Variants in NEGR1 observed in about 807,000 individuals in gnomAD.
NEGR1 encodes IgLON family member 4.
NEGR1 carries 10 observed loss-of-function variants against 40.9 expected under a neutral mutation model. The observed-to-expected ratio is 0.24, with a 90% confidence interval of 0.15 to 0.42. The LOEUF (loss-of-function observed/expected upper bound fraction) is 0.42. NEGR1 is among the 10% of genes least tolerant of loss of function. The pLI, the probability that NEGR1 is intolerant of heterozygous loss-of-function variation, is 1.00. For missense variants in NEGR1, 352 were observed against 438.9 expected (o/e 0.80, Z 1.77); for synonymous variants, 185 against 166.8 (o/e 1.11, Z -0.84).
At chr1:71,696,742 A>G (rs1653486434) in intron 4 of NEGR1, among the ~76,000 whole-genome samples, 1 of 151,820 alleles carries the variant, frequency 6.6e-6, no homozygotes. Context: ...ACCTCTTAAA[A>G]TTCAGGTTTC....
chr1:72,258,966 G>A (rs1446083685), intron 1 of NEGR1, among the ~76,000 whole-genome samples: 1 of 151,948 alleles, frequency 6.6e-6, no homozygotes, highest in Admixed American at 6.6e-5. Context: ...AGAACAGGAA[G>A]AAAAAAGTAT....
At chr1:71,894,575 A>G (rs1412979177) in intron 2 of NEGR1, among the ~76,000 whole-genome samples, 1 of 152,226 alleles carries the variant, frequency 6.6e-6, no homozygotes, top group East Asian at 1.9e-4. Flanking sequence ...TTAAGTAACT[A>G]TTAAAATACT....
chr1:71,455,153 G>A (rs185838475), intron 6 of NEGR1, among the ~76,000 whole-genome samples: 30 of 152,248 alleles, frequency 2.0e-4, no homozygotes, highest in African/African-American at 6.7e-4. Flanking sequence ...ACCAGTTCTT[G>A]TACAAATATG....
At chr1:72,088,701 A>G (rs1237375016) in intron 1 of NEGR1, among the ~76,000 whole-genome samples, 1 of 152,138 alleles carries the variant, frequency 6.6e-6, no homozygotes, top group Non-Finnish European at 1.5e-5. Flanking sequence ...ACAGTTTTAA[A>G]GACACTGACC....
chr1:71,847,994 C>G (rs763669837), intron 2 of NEGR1, among the ~76,000 whole-genome samples: 1 of 152,158 alleles, frequency 6.6e-6, no homozygotes, highest in Non-Finnish European at 1.5e-5. Context: ...AGCAAAACAG[C>G]CTTATTGCTG....
intron 3 of NEGR1, among the ~76,000 whole-genome samples, chr1:71,765,226 C>A (rs540676093): frequency 6.6e-6 from 1 of 152,130 alleles, no homozygotes; most frequent in African/African-American, 2.4e-5. Context: ...CATTGCCCAA[C>A]CAATGCTTCA....
chr1:71,689,390 G>C (rs1278730714), intron 4 of NEGR1, among the ~76,000 whole-genome samples: 1 of 152,094 alleles, frequency 6.6e-6, no homozygotes, highest in Non-Finnish European at 1.5e-5. Flanking sequence ...TTTCTAAATG[G>C]GGAGATTGAG....
chr1:72,221,253 A>G (rs1292870893), intron 1 of NEGR1, among the ~76,000 whole-genome samples: 2 of 152,070 alleles, frequency 1.3e-5, no homozygotes, highest in African/African-American at 4.8e-5. Context: ...CATTGATATT[A>G]CTGTACACTT....
intron 6 of NEGR1, among the ~76,000 whole-genome samples, chr1:71,442,416 A>T (rs1203184002): frequency 6.6e-6 from 1 of 151,992 alleles, no homozygotes; most frequent in Non-Finnish European, 1.5e-5. Context: ...GGAGTTCGAG[A>T]CCAGCCTGGA....
chr1:72,154,250 T>A (rs539719420), intron 1 of NEGR1, among the ~76,000 whole-genome samples: 34 of 151,726 alleles, frequency 2.2e-4, no homozygotes, highest in Admixed American at 1.3e-3. Flanking sequence ...TGAGGTGAAG[T>A]TCCTGAGATG....
chr1:72,049,979 G>A (rs1197185701), intron 1 of NEGR1, among the ~76,000 whole-genome samples: 1 of 151,434 alleles, frequency 6.6e-6, no homozygotes, highest in Admixed American at 6.6e-5. Context: ...GACATCTTTT[G>A]TTGATTTGTA....
chr1:72,154,420 T>C (rs1426181915), intron 1 of NEGR1, among the ~76,000 whole-genome samples: 1 of 152,000 alleles, frequency 6.6e-6, no homozygotes, highest in Non-Finnish European at 1.5e-5. Flanking sequence ...ATTTCTGTTA[T>C]CAGTGTAACT....
chr1:72,234,099 C>T (rs1270763935), intron 1 of NEGR1, among the ~76,000 whole-genome samples: 1 of 151,968 alleles, frequency 6.6e-6, no homozygotes, highest in Admixed American at 6.6e-5. Flanking sequence ...AAGCCTAGTA[C>T]CCATTAGTTA....
At chr1:71,704,468 C>T (rs1161919667) in intron 3 of NEGR1, among the ~76,000 whole-genome samples, 3 of 151,716 alleles carry the variant, frequency 2.0e-5, no homozygotes, top group African/African-American at 4.8e-5. Context: ...AAAAATAGTA[C>T]ACCTCCAAGA....
chr1:71,961,448 T>G (rs552599362), intron 1 of NEGR1, among the ~76,000 whole-genome samples: 1 of 152,190 alleles, frequency 6.6e-6, no homozygotes, highest in South Asian at 2.1e-4. Context: ...TGAGAAGTAA[T>G]TTTGGAGTTG....
At chr1:71,830,014 T>C (rs1658783866) in intron 2 of NEGR1, among the ~76,000 whole-genome samples, 1 of 151,964 alleles carries the variant, frequency 6.6e-6, no homozygotes, top group Non-Finnish European at 1.5e-5. Flanking sequence ...TTAGGGACAC[T>C]AGCCCATGAC....
At chr1:72,223,524 T>C (rs1174339881) in intron 1 of NEGR1, among the ~76,000 whole-genome samples, 1 of 152,206 alleles carries the variant, frequency 6.6e-6, no homozygotes, top group East Asian at 1.9e-4. Flanking sequence ...TCTTGAAGTA[T>C]GCTGTTTAAG....
At chr1:72,030,586 G>A (rs1646849338) in intron 1 of NEGR1, among the ~76,000 whole-genome samples, 1 of 152,088 alleles carries the variant, frequency 6.6e-6, no homozygotes, top group Non-Finnish European at 1.5e-5. Flanking sequence ...AACTGTATAA[G>A]TAAGACAAAG....
chr1:71,696,592 A>T (rs1328659495), intron 4 of NEGR1, among the ~76,000 whole-genome samples: 2 of 151,766 alleles, frequency 1.3e-5, no homozygotes, highest in African/African-American at 4.8e-5. Context: ...CAACAATAAA[A>T]TCAGTATACA....
Sources: allele counts gnomAD v4.1 joint callset (sites outside exome capture counted in the v4.1 genomes callset), GRCh38; gene constraint gnomAD v4.1.1; transcripts MANE v1.5; gene names NCBI Gene and HGNC (gene_info 2026-07-23, HGNC 2026-07-21).